DPP6: variants seen among roughly 807,000 people sequenced by gnomAD.
The protein encoded by DPP6 is dipeptidyl peptidase like 6, also known as A-type potassium channel modulatory protein DPP6.
A neutral mutation model predicts 122.6 loss-of-function variants in DPP6; 69 were observed. The ratio of observed to expected loss-of-function variants is 0.56; its 90% CI spans 0.46 to 0.69. DPP6 has a LOEUF of 0.69. Among genes scored for constraint, DPP6 ranks in the 30% least tolerant of loss-of-function variants. The pLI is 0.00. For missense variants in DPP6, 928 were observed against 1,116.9 expected (o/e 0.83, Z 2.41); for synonymous variants, 418 against 433.1 (o/e 0.97, Z 0.43).
At position 154,660,437 on chromosome 7, in the gene DPP6, C is replaced by T. The variant is rs541384820; in HGVS notation, c.681-8923C>T. ...ATATAGTCATGGTGAATCACCATGG[C>T]GTATTGGCCCTAGTGTTCATGCAGT... On this transcript the variant is annotated intron_variant, in intron 6 of 25. Transcript: ENST00000377770. 8.3e-4 allele frequency among the ~76,000 whole-genome samples: 124 copies of T among 149,216 alleles called. 6 individuals are homozygous for T. The highest frequency in any genetic ancestry group is 2.9e-3 in the African/African-American group (116 of 39,334).
At chr7:153,885,419 T>C (rs1798873891), upstream of DPP6, among the ~76,000 whole-genome samples, 1 of 152,074 alleles carries the variant, frequency 6.6e-6, no homozygotes, top group Non-Finnish European at 1.5e-5. Context: ...TGGGAGGTGA[T>C]GAGGTGATGA....
At chr7:154,032,390 G>T (rs1007782751) in intron 1 of DPP6, among the ~76,000 whole-genome samples, 2 of 152,090 alleles carry the variant, frequency 1.3e-5, no homozygotes, top group African/African-American at 4.8e-5. Context: ...TAGAGAGGTA[G>T]CAAAGCGTAT....
Position 154,074,106 on chromosome 7 carries a change from TAG to T in DPP6, c.243+21049_243+21050del, listed in dbSNP as rs374434372. 6.4e-5 allele frequency among the ~76,000 whole-genome samples: 9 copies of T among 139,608 alleles called. No individual in the cohort carries two copies. The South Asian group carries it at 9.2e-4, about 14-fold the overall frequency. 91.6% of individuals were successfully genotyped at this position (139,608 alleles called of 152,430 possible). A position where few individuals can be genotyped will look rare whatever the true frequency, so the allele number is the denominator to read the frequency against. ...AGATATATAGAGATCTATATAGAGA[TAG>T]AGAGATATATATAGATATCTATATA... On this transcript the variant is annotated intron_variant, in intron 1 of 25. Transcript: ENST00000377770.
the DPP6 span, among the ~76,000 whole-genome samples, chr7:153,748,280 T>C: frequency 6.6e-6 from 1 of 150,752 alleles, no homozygotes. Flanking sequence ...CTCCCGACCA[T>C]CCCGGGAAGA....
intron 1 of DPP6, among the ~76,000 whole-genome samples, chr7:154,425,608 G>GAA (rs1222824091): frequency 8.9e-6 from 1 of 112,556 alleles, no homozygotes; most frequent in African/African-American, 4.8e-5. Flanking sequence ...AAAAAAATGT[G>GAA]TGTGTGTGTG....
chr7:154,520,806 G>A (rs754505931), intron 3 of DPP6, among the ~76,000 whole-genome samples: 1 of 152,184 alleles, frequency 6.6e-6, no homozygotes, highest in African/African-American at 2.4e-5. Flanking sequence ...ATTTCCATCA[G>A]TGTCTACAAC....
chr7:154,131,364 A>G (rs1468749210), intron 1 of DPP6, among the ~76,000 whole-genome samples: 1 of 152,166 alleles, frequency 6.6e-6, no homozygotes. Flanking sequence ...TGTTGGGAAA[A>G]CTGAACTGGA....
At chr7:154,296,063 G>C (rs1805522613) in intron 1 of DPP6, among the ~76,000 whole-genome samples, 1 of 150,518 alleles carries the variant, frequency 6.6e-6, no homozygotes, top group South Asian at 2.1e-4. Flanking sequence ...TCCTGCCTCA[G>C]CCTCCCGAGC....
intron 7 of DPP6, among the ~76,000 whole-genome samples, chr7:154,686,010 G>C (rs536515119): frequency 1.3e-4 from 20 of 152,280 alleles, no homozygotes; most frequent in African/African-American, 3.9e-4. Context: ...AAGTCTCACT[G>C]CATGGCTGTG....
intron 3 of DPP6, among the ~76,000 whole-genome samples, chr7:154,499,430 G>A (rs1288444941): frequency 6.6e-6 from 1 of 152,142 alleles, no homozygotes; most frequent in African/African-American, 2.4e-5. Context: ...GACCATAGGT[G>A]TGCCTGCAGT....
At chr7:154,187,538 A>C (rs1443744316) in intron 1 of DPP6, among the ~76,000 whole-genome samples, 1 of 152,216 alleles carries the variant, frequency 6.6e-6, no homozygotes, top group Non-Finnish European at 1.5e-5. Flanking sequence ...TTACAACAGC[A>C]AGAAAAATAG....
chr7:154,413,069 A>C (rs2151210042), intron 1 of DPP6, among the ~76,000 whole-genome samples: 1 of 152,300 alleles, frequency 6.6e-6, no homozygotes, highest in East Asian at 1.9e-4. Flanking sequence ...CTGAGGGAGA[A>C]CCTGCACTTC....
intron 7 of DPP6, among the ~76,000 whole-genome samples, chr7:154,717,870 G>C (rs933111708): frequency 2.0e-5 from 3 of 152,130 alleles, no homozygotes; most frequent in African/African-American, 7.2e-5. Flanking sequence ...TCCACCAACA[G>C]TGTATAAAAG....
chr7:154,331,288 G>A (rs1384621807), intron 1 of DPP6, among the ~76,000 whole-genome samples: 1 of 152,212 alleles, frequency 6.6e-6, no homozygotes, highest in Non-Finnish European at 1.5e-5. Context: ...CTGTCTCTGT[G>A]TGGCTTTTTG....
At chr7:153,911,032 G>A (rs1800068613) in intron 1 of DPP6, among the ~76,000 whole-genome samples, 1 of 152,132 alleles carries the variant, frequency 6.6e-6, no homozygotes, top group Admixed American at 6.5e-5. Context: ...TTTAGACACG[G>A]GTCAGATTAC....
At chr7:154,820,940 T>C (rs1408539056) in intron 16 of DPP6, among the ~76,000 whole-genome samples, 1 of 152,234 alleles carries the variant, frequency 6.6e-6, no homozygotes, top group Non-Finnish European at 1.5e-5. Flanking sequence ...CAGGGCTCAG[T>C]GGCTCATACC....
intron 1 of DPP6, among the ~76,000 whole-genome samples, chr7:154,380,088 T>C (rs1415720146): frequency 6.6e-6 from 1 of 152,094 alleles, no homozygotes; most frequent in Non-Finnish European, 1.5e-5. Context: ...GAGAATATAC[T>C]AAATTGAAAA....
chr7:154,878,606 C>A (rs150036876), intron 20 of DPP6, among the ~76,000 whole-genome samples: 87 of 152,334 alleles, frequency 5.7e-4, no homozygotes, highest in African/African-American at 2.0e-3. Flanking sequence ...CCTCCCACTC[C>A]CACAGTTCCC....
chr7:154,073,322 G>T (rs746572117), intron 1 of DPP6, among the ~76,000 whole-genome samples: 1 of 152,122 alleles, frequency 6.6e-6, no homozygotes. Context: ...GCCCTTTAGT[G>T]GGGGAACTCC....
Sources: allele counts gnomAD v4.1 joint callset (sites outside exome capture counted in the v4.1 genomes callset), GRCh38; gene constraint gnomAD v4.1.1; transcripts MANE v1.5; gene names NCBI Gene and HGNC (gene_info 2026-07-23, HGNC 2026-07-21).